Variants in FRMD3 observed in about 807,000 individuals in gnomAD.
The protein encoded by FRMD3 is FERM domain containing 3, also known as FERM domain-containing protein 3.
A neutral mutation model predicts 70.2 loss-of-function variants in FRMD3; 33 were observed. The ratio of observed to expected loss-of-function variants is 0.47; its 90% confidence interval spans 0.36 to 0.63. The LOEUF is 0.63. Ranked by LOEUF, FRMD3 falls within the 20% of genes least tolerant of loss-of-function variation. FRMD3 has a pLI of 0.00. For synonymous variants in FRMD3, 279 were observed against 255.9 expected, an observed-to-expected ratio of 1.09 and a Z score of -0.86; for missense variants, 632 against 711.4, an observed-to-expected ratio of 0.89 and a Z score of 1.27.
chr9:83,372,782 A>C (rs1381362298), intron 3 of FRMD3, 131 bp downstream of exon 3: 1 of 782,754 alleles, frequency 1.3e-6, no homozygotes. Flanking sequence ...TCTCCTGGGG[A>C]GAGAGAAGCC....
At chr9:83,329,142 C>G (rs1360880040) in intron 6 of FRMD3, among the ~76,000 whole-genome samples, 1 of 152,164 alleles carries the variant, frequency 6.6e-6, no homozygotes, top group African/African-American at 2.4e-5. Flanking sequence ...TGTCCTTTAC[C>G]CTAGGCCACA....
chr9:83,463,838 G>A (rs1165898230), intron 1 of FRMD3, among the ~76,000 whole-genome samples: 1 of 152,188 alleles, frequency 6.6e-6, no homozygotes, highest in Non-Finnish European at 1.5e-5. Flanking sequence ...GATGGCCAGT[G>A]TGTCATCTGA....
Position 83,362,804 on chromosome 9 carries a change from T to TCCTTCGCTTCTTCCTTCCCTCCC in FRMD3, c.295+10108_295+10109insGGGAGGGAAGGAAGAAGCGAAGG, listed in dbSNP as rs1824641484. Among the ~76,000 whole-genome samples, 2 of 64,586 alleles carry TCCTTCGCTTCTTCCTTCCCTCCC rather than the reference T, an allele frequency of 3.1e-5. 1 individual carries two copies. The highest frequency in any genetic ancestry group is 1.7e-4 in the African/African-American group (2 of 11,578). The allele number at this position is 64,586 out of a possible 152,430, so 42.4% of individuals were successfully genotyped here. A position where few individuals can be genotyped will look rare whatever the true frequency, so the allele number is the denominator to read the frequency against. ...ATTTCCTTCCCTCCTTCCTTCCTTT[T>TCCTTCGCTTCTTCCTTCCCTCCC]TCCTTCCTTCCCTCCCTCCTTCCTT... On this transcript the variant is annotated intron_variant, in intron 3 of 13. Transcript: ENST00000304195.
chr9:83,359,817 T>C (rs933504541), intron 3 of FRMD3, among the ~76,000 whole-genome samples: 6 of 152,016 alleles, frequency 3.9e-5, no homozygotes, highest in South Asian at 2.1e-4. Context: ...ATGACATGAG[T>C]TCATGACTGC....
chr9:83,540,667 T>C (rs1383380088), upstream of FRMD3, among the ~76,000 whole-genome samples: 1 of 152,032 alleles, frequency 6.6e-6, no homozygotes, highest in East Asian at 1.9e-4. Flanking sequence ...AATAATAATA[T>C]GAAGATTAGG....
intron 3 of FRMD3, among the ~76,000 whole-genome samples, chr9:83,370,238 G>A (rs1485284570): frequency 3.3e-5 from 5 of 152,136 alleles, no homozygotes; most frequent in Non-Finnish European, 7.3e-5. Context: ...CCCAGGGTTG[G>A]ACTTGGTTTC....
At chr9:83,555,570 TA>T in the FRMD3 span, among the ~76,000 whole-genome samples, 1 of 152,188 alleles carries the variant, frequency 6.6e-6, no homozygotes, top group Admixed American at 6.5e-5. Context: ...CCACTACTGG[TA>T]GCCAGCTGGA....
At chr9:83,560,893 T>G in the FRMD3 span, among the ~76,000 whole-genome samples, 1 of 152,204 alleles carries the variant, frequency 6.6e-6, no homozygotes. Flanking sequence ...CTTTGAAAGA[T>G]TCTTGCTCCC....
chr9:83,378,751 A>C (rs1465720722), intron 2 of FRMD3, among the ~76,000 whole-genome samples: 2 of 120,726 alleles, frequency 1.7e-5, no homozygotes, highest in Middle Eastern at 3.8e-3. Flanking sequence ...TATTATATAT[A>C]ATATATAATT....
At chr9:83,523,812 C>G (rs1446563426) in intron 1 of FRMD3, among the ~76,000 whole-genome samples, 3 of 152,182 alleles carry the variant, frequency 2.0e-5, no homozygotes, top group Non-Finnish European at 4.4e-5. Context: ...AAAGTGCCAT[C>G]TATACATGGT....
chr9:83,313,940 C>T (rs1274242054), intron 6 of FRMD3, among the ~76,000 whole-genome samples, 193 bp from the exon 7 acceptor site: 1 of 152,220 alleles, frequency 6.6e-6, no homozygotes, highest in Non-Finnish European at 1.5e-5. Flanking sequence ...CTTGTGTTCT[C>T]TAGTTAATTG....
chr9:83,287,862 G>A (rs1834279476), intron 13 of FRMD3, among the ~76,000 whole-genome samples: 1 of 152,186 alleles, frequency 6.6e-6, no homozygotes, highest in African/African-American at 2.4e-5. Context: ...TGATCCCACT[G>A]CCATCTCCCC....
At chr9:83,476,692 T>C (rs1301559253) in intron 1 of FRMD3, among the ~76,000 whole-genome samples, 1 of 152,158 alleles carries the variant, frequency 6.6e-6, no homozygotes, top group African/African-American at 2.4e-5. Context: ...ATATAGCCAG[T>C]GCAACTGGAA....
At chr9:83,536,387 A>G (rs996234929) in intron 1 of FRMD3, among the ~76,000 whole-genome samples, 2 of 152,172 alleles carry the variant, frequency 1.3e-5, no homozygotes, top group African/African-American at 4.8e-5. Flanking sequence ...GGTACAGGGC[A>G]GAAGAGGGCT....
Position 83,537,661 on chromosome 9 carries a change from G to A in FRMD3, c.147+424C>T, listed in dbSNP as rs1829927057. ...CGGGAGACAGAAATGAGTGAACCCA[G>A]CTGATGCATGCCTTCTCCACGTGGA... is the stretch of plus-strand genomic sequence containing the variant. On this transcript the variant is annotated intron_variant, in intron 1 of 13. Transcript: ENST00000304195. This position sits in a 1 kb window ranked among gnomAD's most constrained non-coding sequence, Gnocchi z 4.1. 6.6e-6 allele frequency among the ~76,000 whole-genome samples: 1 copy of A among 152,156 alleles called. No homozygotes were observed. The highest frequency in any genetic ancestry group is 2.1e-4 in the South Asian group (1 of 4,830).
At chr9:83,299,249 A>G in intron 10 of FRMD3, 63 bp from the exon 11 acceptor site, 1 of 1,038,342 alleles carries the variant, frequency 9.6e-7, no homozygotes, top group Non-Finnish European at 1.5e-6. Flanking sequence ...AACATGCTAT[A>G]GAGGTGTGGT....
chr9:83,514,267 C>T (rs987274490), intron 1 of FRMD3, among the ~76,000 whole-genome samples: 9 of 152,172 alleles, frequency 5.9e-5, no homozygotes, highest in Non-Finnish European at 1.3e-4. Context: ...AATGCTCGAG[C>T]TTGGTGGGGA....
At chr9:83,518,835 C>A (rs1450315260) in intron 1 of FRMD3, among the ~76,000 whole-genome samples, 1 of 152,138 alleles carries the variant, frequency 6.6e-6, no homozygotes, top group Non-Finnish European at 1.5e-5. Flanking sequence ...AGAAATAATA[C>A]CACACATCTA....
chr9:83,455,443 C>T (rs1040838203), intron 1 of FRMD3, among the ~76,000 whole-genome samples: 3 of 152,112 alleles, frequency 2.0e-5, no homozygotes, highest in African/African-American at 7.2e-5. Flanking sequence ...TTAAGTCTCA[C>T]GTGCTCTGAT....
Sources: gnomAD v4.1 joint callset for allele counts (sites outside exome capture counted in the v4.1 genomes callset) on GRCh38, gnomAD v4.1.1 for gene constraint, Gnocchi (gnomAD v3.1) non-coding constraint, MANE v1.5 for transcripts, NCBI Gene and HGNC (gene_info 2026-07-23, HGNC 2026-07-21) for gene names.